Variants in DCLK3 observed in about 807,000 individuals in gnomAD.
DCLK3 encodes serine/threonine-protein kinase DCLK3.
Under a neutral mutation model 46.4 loss-of-function variants are expected in DCLK3, and 30 were observed. The ratio of observed to expected loss-of-function variants is 0.65; its 90% CI spans 0.48 to 0.88. The LOEUF (loss-of-function observed/expected upper bound fraction) is 0.88, where lower values mean the gene tolerates loss of function less well. DCLK3 is among the 40% of genes least tolerant of loss of function. The pLI is 0.00. For synonymous variants in DCLK3, 401 were observed against 339.2 expected, an observed-to-expected ratio of 1.18 and a Z score of -2.00; for missense variants, 846 against 907.1, an observed-to-expected ratio of 0.93 and a Z score of 0.87.
chr3:36,737,984 C>T lies in DCLK3; in HGVS notation c.1183G>A (p.Asp395Asn). Residue 395 changes from aspartate (D) to asparagine (N), a missense_variant, in exon 2 of 5, where the codon GAC becomes AAC. Transcript: ENST00000636136. This position sits in a 1 kb window ranked among gnomAD's most constrained non-coding sequence, Gnocchi z 4.4. ...CTTTCTTGATCCTCTGGGCCTCTGT[C>T]CTCTTTCTTGTCCATGCTCTTGCTG... ...RPSKSMDKKEDRGPEDQESHA... is the reference protein window; with the variant it reads ...RPSKSMDKKENRGPEDQESHA... The T allele has an allele frequency of 6.2e-7, 1 of 1,614,160 alleles. No individual in the cohort carries two copies. Among genetic ancestry groups the T allele is most frequent in the East Asian group, 2.2e-5 (1 of 44,870 alleles).
intron 2 of DCLK3, among the ~76,000 whole-genome samples, chr3:36,728,404 T>C (rs1701150997): frequency 6.6e-6 from 1 of 152,062 alleles, no homozygotes; most frequent in Non-Finnish European, 1.5e-5. Context: ...CCAGAGGAGA[T>C]TGGTGTGTGA....
At position 36,718,116 on chromosome 3, in the gene DCLK3, G is replaced by T; in HGVS notation, c.2154C>A (p.Gly718=). ...AGVILYILLC[G]FPPFRSPERD... is the part of the protein sequence containing the mutation. ...TCTCAGGGCTGCGGAATGGGGGAAA[G>T]CCACACAGCAGGATATAGAGGATCA... Residue 718 remains glycine (G), a synonymous_variant, in exon 4 of 5, where the codon GGC becomes GGA. Transcript: ENST00000636136. 1 of 1,614,190 alleles carries T rather than the reference G, an allele frequency of 6.2e-7. No individual in the cohort carries two copies. The highest frequency in any genetic ancestry group is 8.5e-7 in the Non-Finnish European group (1 of 1,180,032).
At chr3:36,720,332 C>T (rs1299877935) in intron 3 of DCLK3, among the ~76,000 whole-genome samples, 1 of 152,144 alleles carries the variant, frequency 6.6e-6, no homozygotes, top group Non-Finnish European at 1.5e-5. Context: ...GCCTGCAGAA[C>T]CCTGAACCAA....
At position 36,731,960 on chromosome 3, in the gene DCLK3, C is replaced by T. The variant is rs11721216; in HGVS notation, c.1959+5248G>A. Among the ~76,000 whole-genome samples, 437 of 152,298 alleles carry T rather than the reference C, an allele frequency of 2.9e-3. 6 individuals are homozygous for T. The highest frequency in any genetic ancestry group is 5.4e-3 in the Non-Finnish European group (369 of 68,018). On this transcript the variant is annotated intron_variant, in intron 2 of 4. Transcript: ENST00000636136. ...TTAGCTTAAGAGCATTTTCCGAATG[C>T]CCTTAAAGACTTTTAAGAAAGTTAA...
chr3:36,726,096 T>C (rs1291848183), intron 2 of DCLK3, among the ~76,000 whole-genome samples: 2 of 152,060 alleles, frequency 1.3e-5, no homozygotes, highest in Non-Finnish European at 2.9e-5. Flanking sequence ...AAACTAAATT[T>C]CACATGAAAA....
chr3:36,717,632 A>G (rs1436947228), intron 4 of DCLK3, among the ~76,000 whole-genome samples: 2 of 152,076 alleles, frequency 1.3e-5, no homozygotes, highest in East Asian at 3.8e-4. Flanking sequence ...CTGCTATAGG[A>G]CCCTTGATTA....
chr3:36,723,231 C>T (rs1289557888), intron 2 of DCLK3, among the ~76,000 whole-genome samples: 1 of 152,152 alleles, frequency 6.6e-6, no homozygotes, highest in Non-Finnish European at 1.5e-5. Flanking sequence ...TTTAGGATAT[C>T]TGGTGGAAGA....
chr3:36,720,882 C>G (rs1052097321), intron 3 of DCLK3, among the ~76,000 whole-genome samples: 1 of 152,152 alleles, frequency 6.6e-6, no homozygotes, highest in Non-Finnish European at 1.5e-5. Flanking sequence ...TGTCACCAAC[C>G]CTGCAACCCA....
intron 1 of DCLK3, among the ~76,000 whole-genome samples, chr3:36,755,798 C>T (rs1701479971): frequency 6.6e-6 from 1 of 152,170 alleles, no homozygotes; most frequent in African/African-American, 2.4e-5. Flanking sequence ...TATCAAAAAG[C>T]TCTAGGGCTA....
intron 1 of DCLK3, among the ~76,000 whole-genome samples, chr3:36,744,501 C>A (rs948644830): frequency 6.6e-6 from 1 of 152,180 alleles, no homozygotes; most frequent in African/African-American, 2.4e-5. Flanking sequence ...GGACTTCTGC[C>A]AAGCTGTTAT....
At chr3:36,734,525 T>A (rs959882928) in intron 2 of DCLK3, among the ~76,000 whole-genome samples, 1 of 152,110 alleles carries the variant, frequency 6.6e-6, no homozygotes, top group Non-Finnish European at 1.5e-5. Context: ...TTGAAATATA[T>A]ATATATGGAC....
chr3:36,743,926 T>C (rs949618927), intron 1 of DCLK3, among the ~76,000 whole-genome samples: 2 of 152,202 alleles, frequency 1.3e-5, no homozygotes, highest in Non-Finnish European at 2.9e-5. Flanking sequence ...TCTGTCCTCG[T>C]AAGTTCGCAG....
chr3:36,743,273 C>CA (rs11391557), intron 1 of DCLK3, among the ~76,000 whole-genome samples: 88,982 of 117,784 alleles, frequency 0.76, 33,628 homozygotes, highest in East Asian at 0.8. Flanking sequence ...TCCCAAAATC[C>CA]AAAAAAAAAA....
chr3:36,733,348 C>T (rs1701222088), intron 2 of DCLK3, among the ~76,000 whole-genome samples: 1 of 152,192 alleles, frequency 6.6e-6, no homozygotes, highest in African/African-American at 2.4e-5. Flanking sequence ...AGGAACACAT[C>T]CTTCTCTTCC....
intron 2 of DCLK3, among the ~76,000 whole-genome samples, chr3:36,728,371 G>A (rs1354452610): frequency 2.6e-5 from 4 of 152,108 alleles, no homozygotes; most frequent in East Asian, 1.9e-4. Flanking sequence ...GGGGGGTGGG[G>A]GGACGGTGTC....
In DCLK3 at chr3:36,764,553, C is replaced by G. The variant is rs1422941238; in HGVS notation, c.-290G>C. Among the ~76,000 whole-genome samples, 1 of 152,160 alleles carries G rather than the reference C, an allele frequency of 6.6e-6. No homozygotes were observed. The highest frequency in any genetic ancestry group is 1.5e-5 in the Non-Finnish European group (1 of 68,010). ...CCCGCCATGCGCGCCGCTCCTGGCC[C>G]TGGAGGCCGGGCGGGGCCGGGCTTT... On this transcript the variant is annotated 5_prime_UTR_variant, in exon 1 of 5. Transcript: ENST00000636136. The surrounding 1 kb of genome is among the most constrained non-coding windows in gnomAD (Gnocchi z 4.9).
chr3:36,758,906 G>A (rs1701512355), intron 1 of DCLK3, among the ~76,000 whole-genome samples: 1 of 152,090 alleles, frequency 6.6e-6, no homozygotes, highest in African/African-American at 2.4e-5. Flanking sequence ...ACCAGAAATA[G>A]GGATTTCATT....
At chr3:36,755,843 G>C (rs1701480373) in intron 1 of DCLK3, among the ~76,000 whole-genome samples, 4 of 152,196 alleles carry the variant, frequency 2.6e-5, no homozygotes, top group African/African-American at 9.6e-5. Context: ...ATGAATCCCA[G>C]TGTAAACCTA....
intron 1 of DCLK3, among the ~76,000 whole-genome samples, chr3:36,741,569 G>A (rs888019058): frequency 1.3e-5 from 2 of 152,218 alleles, no homozygotes; most frequent in African/African-American, 2.4e-5. Context: ...GCAACCAAGA[G>A]TGCTAGGAAG....
Sources: gnomAD v4.1 joint callset for allele counts (sites outside exome capture counted in the v4.1 genomes callset) on GRCh38, gnomAD v4.1.1 for gene constraint, Gnocchi (gnomAD v3.1) non-coding constraint, MANE v1.5 for transcripts, NCBI Gene and HGNC (gene_info 2026-07-23, HGNC 2026-07-21) for gene names.